Variants in F11R observed in about 807,000 individuals in gnomAD.
F11R encodes the protein F11 receptor.
F11R carries 27 observed loss-of-function variants against 39.3 expected under a neutral mutation model. That is an observed-to-expected ratio of 0.69 (90% confidence interval 0.51 to 0.95). The LOEUF is 0.95. Ranked by LOEUF, F11R falls within the 40% of genes least tolerant of loss-of-function variation. The pLI, the probability that F11R is intolerant of heterozygous loss-of-function variation, is 0.00. For synonymous variants in F11R, 131 were observed against 144.9 expected, an observed-to-expected ratio of 0.90 and a Z score of 0.69; for missense variants, 335 against 372.7, an observed-to-expected ratio of 0.90 and a Z score of 0.83.
intron 1 of F11R, among the ~76,000 whole-genome samples, chr1:161,003,826 G>A (rs1462347101): frequency 4.0e-5 from 6 of 151,874 alleles, no homozygotes; most frequent in Admixed American, 3.3e-4. Flanking sequence ...GTGCAGTGGC[G>A]CAATCTAGAC....
rs774421607 is a variant in F11R, at chr1:161,001,245, C to T, written c.133+40G>A. The T allele has an allele frequency of 3.7e-6, 6 of 1,609,930 alleles. No homozygotes were observed. In the South Asian group the frequency reaches 5.5e-5, roughly 15 times the overall value. On this transcript the variant is annotated intron_variant, in intron 2 of 9. Transcript: ENST00000368026. Reference sequence around the variant, plus strand: ...CTCTAGATCCCCAGGCGGCCGGCAACTGCTCACCCTCACACCCTCCATGGC... The same window carrying T: ...CTCTAGATCCCCAGGCGGCCGGCAATTGCTCACCCTCACACCCTCCATGGC...
Position 161,000,331 on chromosome 1 carries a change from T to C in F11R, c.406A>G (p.Thr136Ala), listed in dbSNP as rs745607056. The C allele has an allele frequency of 1.2e-6, 2 of 1,613,886 alleles. No homozygotes were observed. Among genetic ancestry groups the C allele is most frequent in the Non-Finnish European group, 8.5e-7 (1 of 1,180,026 alleles). Residue 136 changes from threonine (T) to alanine (A), a missense_variant, in exon 5 of 10, where the codon ACA becomes GCA. By Grantham distance (58) the Thr-to-Ala change is moderately conservative (BLOSUM62 0). Transcript: ENST00000368026. ...GTGGCAGAGGAGGGGATGTTAACTGTAGGCTTGGATGGAGGCACTGTGGAA... is the reference window on the plus strand; with the variant it reads ...GTGGCAGAGGAGGGGATGTTAACTGCAGGCTTGGATGGAGGCACTGTGGAA... ...LIVLVPPSKPTVNIPSSATIG... is the reference protein window; with the variant it reads ...LIVLVPPSKPAVNIPSSATIG...
chr1:161,014,176 T>C (rs946394457), intron 1 of F11R, among the ~76,000 whole-genome samples: 6 of 152,232 alleles, frequency 3.9e-5, no homozygotes, highest in African/African-American at 1.4e-4. Flanking sequence ...CCTGAATCTC[T>C]GAAACAGAAA....
rs758010048 is a variant in F11R, at chr1:161,001,289, A to C, written c.129T>G (p.Asn43Lys). Residue 43 changes from asparagine to lysine, a missense_variant, in exon 2 of 10, where the codon AAT becomes AAG. Asn to Lys is a moderately conservative substitution (Grantham distance 94, BLOSUM62 0). Coordinates refer to ENST00000368026, the MANE Select transcript of F11R (RefSeq NM_016946.6). ...SSEPEVRIPE[N>K]NPVKLSCAYS... ...CCATGGCCCCTCCCAACTCACGATTATTCTCAGGAATTCTGACTTCAGGTT... is the reference window on the plus strand; with the variant it reads ...CCATGGCCCCTCCCAACTCACGATTCTTCTCAGGAATTCTGACTTCAGGTT... The C allele has an allele frequency of 1.9e-6, 3 of 1,614,012 alleles. No homozygotes were observed. The highest frequency in any genetic ancestry group is 2.5e-6 in the Non-Finnish European group (3 of 1,180,004).
intron 1 of F11R, among the ~76,000 whole-genome samples, chr1:161,012,776 C>T (rs959433537): frequency 6.6e-6 from 1 of 151,994 alleles, no homozygotes; most frequent in African/African-American, 2.4e-5. Context: ...AGGCACCCAC[C>T]ACCATGCCCG....
chr1:161,020,902 A>T, intron 1 of F11R, 108 bp downstream of exon 1: 1 of 938,032 alleles, frequency 1.1e-6, no homozygotes, highest in Non-Finnish European at 1.8e-6. Context: ...AGAACGATAT[A>T]GGAAGGTTTC....
intron 1 of F11R, among the ~76,000 whole-genome samples, chr1:161,006,892 C>A (rs760837311): frequency 6.6e-6 from 1 of 152,180 alleles, no homozygotes; most frequent in African/African-American, 2.4e-5. Flanking sequence ...AGGCTGGGTG[C>A]GGTGGCTCAT....
chr1:161,006,476 T>C (rs1451765997), intron 1 of F11R, among the ~76,000 whole-genome samples: 1 of 152,204 alleles, frequency 6.6e-6, no homozygotes, highest in African/African-American at 2.4e-5. Context: ...CCTCCACCAC[T>C]TCTGGTTTAG....
chr1:161,000,112 C>A, intron 5 of F11R, 34 bp downstream of exon 5: 2 of 1,611,748 alleles, frequency 1.2e-6, no homozygotes, highest in African/African-American at 2.7e-5. Context: ...TAACTGCATC[C>A]CCCACACATC....
At chr1:161,002,851 T>C (rs1648568182) in intron 1 of F11R, among the ~76,000 whole-genome samples, 1 of 152,134 alleles carries the variant, frequency 6.6e-6, no homozygotes, top group African/African-American at 2.4e-5. Flanking sequence ...AATAACACTA[T>C]GAATTAGTCC....
At chr1:161,010,443 A>AAAAAAAAACAAAAC (rs1553210825) in intron 1 of F11R, among the ~76,000 whole-genome samples, 7 of 146,922 alleles carry the variant, frequency 4.8e-5, no homozygotes, top group African/African-American at 1.8e-4. Context: ...GACTCCATCA[A>AAAAAAAAACAAAAC]AAAAAAAAAA....
At chr1:161,009,505 C>T (rs566034270) in intron 1 of F11R, among the ~76,000 whole-genome samples, 22 of 151,496 alleles carry the variant, frequency 1.5e-4, no homozygotes, top group Non-Finnish European at 2.6e-4. Flanking sequence ...CGCCCATGAA[C>T]GCCTATAACA....
At chr1:161,006,323 T>C (rs144755070) in intron 1 of F11R, among the ~76,000 whole-genome samples, 1 of 152,312 alleles carries the variant, frequency 6.6e-6, no homozygotes, top group African/African-American at 2.4e-5. Context: ...TGTATGATTA[T>C]TGACATCTCA....
intron 7 of F11R, 57 bp downstream of exon 7, chr1:160,999,583 T>C: frequency 2.6e-6 from 4 of 1,546,224 alleles, no homozygotes; most frequent in Middle Eastern, 1.8e-4. Flanking sequence ...ATGACACCCA[T>C]GCCAGGCCCT....
rs1174731245 is a variant in F11R at position 160,996,216 on chromosome 1, T to C, written c.*2655A>G. ...AACTCAATGTGAAAATAAACATTTA[T>C]TATAAAAATTAGTTTTGACATTTTA... On this transcript the variant is annotated 3_prime_UTR_variant, in exon 10 of 10. Transcript: ENST00000368026. 1 of 152,356 alleles carries C rather than the reference T, an allele frequency of 6.6e-6. No individual in the cohort carries two copies. The allele number at this position is 152,356 out of a possible 1,614,324, so 9.4% of individuals were successfully genotyped here. A position where few individuals can be genotyped will look rare whatever the true frequency, so the allele number is the denominator to read the frequency against.
In F11R at chr1:160,997,696, C is replaced by A. The variant is rs1048015203; in HGVS notation, c.*1175G>T. ...CCTACTTACTTCCCACAAAAAAGAG[C>A]CTTGACAAACCAAGGTTTTATTTCC... On this transcript the variant is annotated 3_prime_UTR_variant, in exon 10 of 10. Transcript: ENST00000368026. The A allele has an allele frequency of 1.3e-5, 2 of 152,812 alleles. No individual in the cohort carries two copies. Among genetic ancestry groups the A allele is most frequent in the Non-Finnish European group, 2.9e-5 (2 of 68,066 alleles). The allele number at this position is 152,812 out of a possible 1,614,324, so 9.5% of individuals were successfully genotyped here. A position where few individuals can be genotyped will look rare whatever the true frequency, so the allele number is the denominator to read the frequency against.
At chr1:161,013,719 G>A (rs1649292607) in intron 1 of F11R, among the ~76,000 whole-genome samples, 1 of 152,212 alleles carries the variant, frequency 6.6e-6, no homozygotes, top group African/African-American at 2.4e-5. Context: ...TCGATCAGCT[G>A]GCTCGGGTCC....
At chr1:161,000,881 G>A (rs1648439813) in intron 3 of F11R, 104 bp from the exon 4 acceptor site, 1 of 1,503,930 alleles carries the variant, frequency 6.6e-7, no homozygotes, top group African/African-American at 1.4e-5. Flanking sequence ...TCTTCCCCCA[G>A]AAAGGGGGGT....
chr1:160,996,852 G>A lies in F11R; in HGVS notation c.*2019C>T, dbSNP rs1648158605. ...AAGCTCTACTTTATTTGTCTAGTTG[G>A]ATTTCATTTCTTCTGGAAAATTTAT... On this transcript the variant is annotated 3_prime_UTR_variant, in exon 10 of 10. Transcript: ENST00000368026. 1 of 152,310 alleles carries A rather than the reference G, an allele frequency of 6.6e-6. No homozygotes were observed. The highest frequency in any genetic ancestry group is 1.9e-4 in the East Asian group (1 of 5,334). 9.4% of individuals were successfully genotyped at this position (152,310 alleles called of 1,614,324 possible). A position where few individuals can be genotyped will look rare whatever the true frequency, so the allele number is the denominator to read the frequency against.
Sources: allele counts gnomAD v4.1 joint callset (sites outside exome capture counted in the v4.1 genomes callset), GRCh38; gene constraint gnomAD v4.1.1; transcripts MANE v1.5; gene names NCBI Gene and HGNC (gene_info 2026-07-23, HGNC 2026-07-21).